The following ARHGAP27 variants were observed in gnomAD, a reference collection of about 807,000 sequenced individuals.
The protein encoded by ARHGAP27 is Rho GTPase activating protein 27, also known as rho GTPase-activating protein 27.
In ARHGAP27, 53 loss-of-function variants were observed where a neutral mutation model predicts 102.0. The ratio of observed to expected loss-of-function variants is 0.52; its 90% CI spans 0.42 to 0.65. ARHGAP27 has a LOEUF of 0.65. ARHGAP27 is among the 30% of genes least tolerant of loss of function. The pLI, the probability that ARHGAP27 is intolerant of heterozygous loss-of-function variation, is 0.00. For missense variants in ARHGAP27, 1,117 were observed against 1,256.2 expected (o/e 0.89, Z 1.68); for synonymous variants, 525 against 542.8 (o/e 0.97, Z 0.46).
intron 4 of ARHGAP27, among the ~76,000 whole-genome samples, chr17:45,414,124 G>T (rs547767276): frequency 6.6e-6 from 1 of 151,834 alleles, no homozygotes; most frequent in African/African-American, 2.4e-5. Flanking sequence ...AAAAAGAAAT[G>T]GTCCATGAGG....
At chr17:45,425,399 A>T (rs757209967) in intron 4 of ARHGAP27, among the ~76,000 whole-genome samples, 19 of 152,100 alleles carry the variant, frequency 1.2e-4, no homozygotes, top group Non-Finnish European at 1.8e-4. Flanking sequence ...TCTCTCAGTC[A>T]CAGTGGCCTC....
intron 4 of ARHGAP27, among the ~76,000 whole-genome samples, chr17:45,420,122 T>C (rs1274107490): frequency 1.3e-5 from 2 of 152,194 alleles, no homozygotes; most frequent in South Asian, 2.1e-4. Context: ...CCTGTACATA[T>C]ATAACAGTAT....
chr17:45,429,562 C>T (rs1224141720), intron 4 of ARHGAP27, 61 bp downstream of exon 4: 26 of 1,566,800 alleles, frequency 1.7e-5, no homozygotes, highest in Non-Finnish European at 2.1e-5. Flanking sequence ...CGCCCCGGCT[C>T]CGTGCGGGCG....
intron 4 of ARHGAP27, chr17:45,407,873 C>T (rs1022561869): frequency 3.9e-5 from 6 of 152,222 alleles, no homozygotes; most frequent in African/African-American, 1.2e-4. Flanking sequence ...TTCCACATTT[C>T]AATTTTGTGT....
At chr17:45,396,344 G>C (rs575887643) in intron 16 of ARHGAP27, 60 bp from the exon 17 acceptor site, 1 of 1,528,128 alleles carries the variant, frequency 6.5e-7, no homozygotes, top group African/African-American at 1.4e-5. Flanking sequence ...GGGGCTACGG[G>C]TCCCTGCTAT....
At chr17:45,397,715 A>G (rs2045918453) in intron 13 of ARHGAP27, 1 of 402,252 alleles carries the variant, frequency 2.5e-6, no homozygotes, top group Non-Finnish European at 4.4e-6. Context: ...CTTCCTTTAG[A>G]ATGTGCCCTA....
Position 45,395,787 on chromosome 17 carries a change from G to A in ARHGAP27, c.2449C>T (p.Pro817Ser). Residue 817 changes from proline (P) to serine (S), a missense_variant, in exon 19 of 20, where the codon CCC becomes TCC. Physicochemically the swap from Pro to Ser is moderately conservative, Grantham distance 74. Transcript: ENST00000685559. ...VRDLVRSLPA[P>S]NHDTLRMLFQ... ...AGCATCCGCAGAGTGTCGTGGTTGGGAGCGGGCAGCGAGCGCACCAAGTCA... is the reference window on the plus strand; with the variant it reads ...AGCATCCGCAGAGTGTCGTGGTTGGAAGCGGGCAGCGAGCGCACCAAGTCA... 6.2e-7 allele frequency: 1 copy of A among 1,605,564 alleles called. No homozygotes were observed. The highest frequency in any genetic ancestry group is 1.1e-5 in the South Asian group (1 of 90,244).
intron 3 of ARHGAP27, 95 bp downstream of exon 3, chr17:45,431,526 G>A (rs2050056802): frequency 5.1e-6 from 1 of 195,244 alleles, no homozygotes; most frequent in Admixed American, 6.2e-5. Context: ...GGGCCCCGGA[G>A]GCGGGGTCAT....
At chr17:45,404,853 C>T (rs2046934690) in intron 6 of ARHGAP27, 71 bp downstream of exon 6, 27 of 1,604,986 alleles carry the variant, frequency 1.7e-5, no homozygotes, top group South Asian at 1.2e-4. Flanking sequence ...AGCACTGAGG[C>T]GACCTATTAG....
Position 45,395,150 on chromosome 17 carries a change from C to T in ARHGAP27, c.*306G>A, listed in dbSNP as rs892833310. The T allele has an allele frequency of 2.3e-6, 1 of 442,672 alleles. No individual in the cohort carries two copies. The allele number at this position is 442,672 out of a possible 1,614,324, so 27.4% of individuals were successfully genotyped here. A position where few individuals can be genotyped will look rare whatever the true frequency, so the allele number is the denominator to read the frequency against. On this transcript the variant is annotated 3_prime_UTR_variant, in exon 20 of 20. Coordinates refer to ENST00000685559, the MANE Select transcript of ARHGAP27 (RefSeq NM_001282290.2). Reference sequence around the variant, plus strand: ...CCTACCATTCCAGAAAACAAACTCTCACCCCCACACACGCTATCGCACACG... The same window carrying T: ...CCTACCATTCCAGAAAACAAACTCTTACCCCCACACACGCTATCGCACACG...
chr17:45,405,570 C>T, intron 5 of ARHGAP27, 106 bp downstream of exon 5: 1 of 1,397,120 alleles, frequency 7.2e-7, no homozygotes, highest in Non-Finnish European at 9.5e-7. Context: ...TAGCCCCGCC[C>T]ACCCATCACC....
intron 12 of ARHGAP27, among the ~76,000 whole-genome samples, chr17:45,400,963 C>T (rs2046374136): frequency 6.6e-6 from 1 of 150,552 alleles, no homozygotes; most frequent in African/African-American, 2.5e-5. Context: ...GATGTCTCTC[C>T]TCAATTTAAC....
chr17:45,396,771 G>C lies in ARHGAP27; in HGVS notation c.1971C>G (p.Pro657=), dbSNP rs769476480. 6 of 1,612,554 alleles carry C rather than the reference G, an allele frequency of 3.7e-6. No homozygotes were observed. Among genetic ancestry groups the C allele is most frequent in the Non-Finnish European group, 5.1e-6 (6 of 1,179,328 alleles). The part of the protein sequence containing the change: ...RPNAAAPALG[P]VGLESDLSKV... Reference sequence around the variant, plus strand: ...TGCTCAAGTCGCTCTCCAGGCCCACGGGGCCCAGGGCGGGCGCGGCTGCCG... The same window carrying C: ...TGCTCAAGTCGCTCTCCAGGCCCACCGGGCCCAGGGCGGGCGCGGCTGCCG... The change falls in exon 15 of 20, where the codon CCC becomes CCG. Residue 657 remains proline (P), a synonymous_variant. Transcript: ENST00000685559.
intron 14 of ARHGAP27, 36 bp downstream of exon 14, chr17:45,396,880 T>C: frequency 1.9e-6 from 3 of 1,607,204 alleles, no homozygotes; most frequent in Non-Finnish European, 2.5e-6. Flanking sequence ...AGGAGAGGCC[T>C]CCTGGAGCCC....
chr17:45,416,692 C>T (rs1188749280), intron 4 of ARHGAP27, among the ~76,000 whole-genome samples: 16 of 151,204 alleles, frequency 1.1e-4, no homozygotes, highest in African/African-American at 3.6e-4. Context: ...GGATCACAGG[C>T]GCCCACCACC....
rs1422281375 is a variant in ARHGAP27 at position 45,429,730 on chromosome 17, C to G, written c.550G>C (p.Ala184Pro). ...GGCCGCGGGCACACCCAGGAGCCCG[C>G]CACGCTGCAGGCCTTGAAGCTGCCG... The part of the protein sequence containing the change: ...SSGSFKACSV[A>P]GSWVCPRPLA... The change falls in exon 4 of 20, where the codon GCG becomes CCG. Residue 184 changes from alanine (A) to proline (P), a missense_variant. By Grantham distance (27) the Ala-to-Pro change is conservative (BLOSUM62 -1). Around this residue, in one of 3 missense-constraint regions of ARHGAP27, gnomAD observed 610 missense variants for 716.4 expected, o/e 0.85. Transcript: ENST00000685559. The G allele has an allele frequency of 6.5e-7, 1 of 1,542,940 alleles. No individual in the cohort carries two copies. The highest frequency in any genetic ancestry group is 2.5e-5 in the East Asian group (1 of 40,518).
chr17:45,419,536 A>G (rs1311384994), intron 4 of ARHGAP27, among the ~76,000 whole-genome samples: 22 of 141,652 alleles, frequency 1.6e-4, no homozygotes, highest in Admixed American at 1.2e-3. Context: ...ATATATATAT[A>G]TATATATATA....
Position 45,427,608 on chromosome 17 carries a change from G to A in ARHGAP27, c.657+2015C>T, listed in dbSNP as rs895660761. ...CTCCCTACCCTGGACTTTGTTGGGG[G>A]TGGAGCACCAGGGAGACCCACAGCT... On this transcript the variant is annotated intron_variant, in intron 4 of 19. Transcript: ENST00000685559. This position sits in a 1 kb window ranked among gnomAD's most constrained non-coding sequence, Gnocchi z 4.5. Among the ~76,000 whole-genome samples the A allele has an allele frequency of 5.9e-5, 9 of 152,244 alleles. No individual in the cohort carries two copies. Among genetic ancestry groups the A allele is most frequent in the African/African-American group, 2.2e-4 (9 of 41,462 alleles).
chr17:45,406,237 C>T (rs1244386765), intron 4 of ARHGAP27, among the ~76,000 whole-genome samples, 154 bp from the exon 5 acceptor site: 1 of 152,234 alleles, frequency 6.6e-6, no homozygotes, highest in Non-Finnish European at 1.5e-5. Flanking sequence ...TACAACAAAG[C>T]ATTTTAAAAA....
Sources: allele counts gnomAD v4.1 joint callset (sites outside exome capture counted in the v4.1 genomes callset), GRCh38; gene constraint gnomAD v4.1.1; regional missense constraint gnomAD v4.1.1; non-coding constraint Gnocchi (gnomAD v3.1); transcripts MANE v1.5; gene names NCBI Gene and HGNC (gene_info 2026-07-23, HGNC 2026-07-21).